Variants in TYW1 observed in about 807,000 individuals in gnomAD.
TYW1 encodes the protein tRNA-yW synthesizing protein 1 homolog, also known as S-adenosyl-L-methionine-dependent tRNA 4-demethylwyosine synthase TYW1.
TYW1 carries 46 observed loss-of-function variants against 96.2 expected under a neutral mutation model. The observed-to-expected ratio is 0.48, with a 90% CI of 0.38 to 0.61. The LOEUF is 0.61. Among genes scored for constraint, TYW1 ranks in the 20% least tolerant of loss-of-function variants. The pLI is 0.00. For missense variants in TYW1, 684 were observed against 909.6 expected (o/e 0.75, Z 3.19); for synonymous variants, 274 against 323.0 (o/e 0.85, Z 1.63).
Position 67,011,766 on chromosome 7 carries a change from G to A in TYW1, c.375+2082G>A, listed in dbSNP as rs150530844. Among the ~76,000 whole-genome samples the A allele has an allele frequency of 6.7e-3, 1,019 of 152,018 alleles. 10 individuals carry two copies. The highest frequency in any genetic ancestry group is 0.023 in the African/African-American group (953 of 41,468). On this transcript the variant is annotated intron_variant, in intron 4 of 15. Transcript: ENST00000359626. ...GGGCGCCTGTTAATCCCAACTACTC[G>A]GGAGGCTGAGGCAGGAGAATTGCTT... is the stretch of plus-strand genomic sequence containing the variant.
intron 7 of TYW1, among the ~76,000 whole-genome samples, chr7:67,046,476 G>A (rs1192993121): frequency 6.6e-6 from 1 of 152,126 alleles, no homozygotes; most frequent in Non-Finnish European, 1.5e-5. Flanking sequence ...CTTTAAATGG[G>A]ATGGTACAGG....
At chr7:67,000,005 C>A (rs933170051) in intron 3 of TYW1, among the ~76,000 whole-genome samples, 1 of 151,446 alleles carries the variant, frequency 6.6e-6, no homozygotes. Flanking sequence ...GTGCCATCTT[C>A]GCTCACTGCA....
chr7:67,047,573 G>C (rs1488067181), intron 7 of TYW1, among the ~76,000 whole-genome samples: 1 of 151,174 alleles, frequency 6.6e-6, no homozygotes, highest in East Asian at 1.9e-4. Flanking sequence ...ATGTTCATTT[G>C]CCTTGCATTT....
At chr7:67,210,252 T>C (rs956279500) in intron 15 of TYW1, among the ~76,000 whole-genome samples, 2 of 152,208 alleles carry the variant, frequency 1.3e-5, no homozygotes, top group African/African-American at 4.8e-5. Context: ...ATTTGTCTGA[T>C]GTTTTTCTCA....
At chr7:67,054,988 T>G (rs1795463525) in intron 8 of TYW1, among the ~76,000 whole-genome samples, 1 of 152,220 alleles carries the variant, frequency 6.6e-6, no homozygotes, top group Non-Finnish European at 1.5e-5. Context: ...TGGGTCAGCA[T>G]TACTTTGTTT....
chr7:67,080,486 A>C (rs941958328), intron 10 of TYW1, among the ~76,000 whole-genome samples: 2 of 151,524 alleles, frequency 1.3e-5, no homozygotes, highest in African/African-American at 4.9e-5. Flanking sequence ...GCTCACTGCA[A>C]CTTCCGCCTC....
Position 67,017,534 on chromosome 7 carries a change from T to C in TYW1, c.571-319T>C, listed in dbSNP as rs578246215. 3.9e-5 allele frequency among the ~76,000 whole-genome samples: 6 copies of C among 152,342 alleles called. No homozygotes were observed. In the South Asian group the frequency reaches 6.2e-4, roughly 16 times the overall value. On this transcript the variant is annotated intron_variant, in intron 5 of 15. Transcript: ENST00000359626. ...CTCATTTATTTTGTTAACTCCTGTT[T>C]TGTTCTTATCATGATATAGAATGGT...
chr7:67,175,211 G>C (rs1253597379), intron 13 of TYW1, among the ~76,000 whole-genome samples: 2 of 130,310 alleles, frequency 1.5e-5, no homozygotes, highest in African/African-American at 5.5e-5. Context: ...TGCTCTTATT[G>C]CCCAGGCTGG....
chr7:67,001,865 T>C (rs1179426350), intron 3 of TYW1, among the ~76,000 whole-genome samples: 1 of 151,716 alleles, frequency 6.6e-6, no homozygotes, highest in Non-Finnish European at 1.5e-5. Flanking sequence ...AAACCCCATT[T>C]CTACTAAAAA....
intron 14 of TYW1, among the ~76,000 whole-genome samples, chr7:67,184,707 T>C (rs998633018): frequency 1.1e-4 from 16 of 145,318 alleles, no homozygotes; most frequent in African/African-American, 4.2e-4. Flanking sequence ...TGTTATGTTA[T>C]GTTATGTTAT....
chr7:67,077,512 G>A (rs200712680), intron 10 of TYW1, among the ~76,000 whole-genome samples: 1 of 152,206 alleles, frequency 6.6e-6, no homozygotes, highest in African/African-American at 2.4e-5. Context: ...TTAAAAATGT[G>A]TCTGTTGGCT....
chr7:67,226,848 C>T lies in TYW1; in HGVS notation c.1978-11460C>T, dbSNP rs146872049. ...ACGACCCCTGGACTTCCTCTACTCC[C>T]ACACAGTTAACATTAATTTTGAGTT... On this transcript the variant is annotated intron_variant, in intron 15 of 15. Coordinates refer to ENST00000359626, the MANE Select transcript of TYW1 (RefSeq NM_018264.4). 4.5e-4 allele frequency among the ~76,000 whole-genome samples: 69 copies of T among 152,200 alleles called. No individual in the cohort carries two copies. The East Asian group carries it at 0.01, about 23-fold the overall frequency.
Position 67,220,201 on chromosome 7 carries a change from A to ATTTTTTTT in TYW1, c.1978-18094_1978-18087dup. Among the ~76,000 whole-genome samples the ATTTTTTTT allele has an allele frequency of 1.4e-3, 131 of 93,180 alleles. 16 individuals carry two copies. The highest frequency in any genetic ancestry group is 8.5e-3 in the Middle Eastern group (1 of 118). The allele number at this position is 93,180 out of a possible 152,430, so 61.1% of individuals were successfully genotyped here. ...ATTTTTTAGTTTCATTCATTTATTG[A>ATTTTTTTT]TTTTTTTTTTTTTTTTTTTTGAGAT... On this transcript the variant is annotated intron_variant, in intron 15 of 15. Transcript: ENST00000359626.
intron 5 of TYW1, among the ~76,000 whole-genome samples, chr7:67,015,364 T>C (rs1458883710): frequency 1.3e-5 from 2 of 152,040 alleles, no homozygotes; most frequent in Non-Finnish European, 2.9e-5. Context: ...ATTATGTTTA[T>C]TTTTTCAGGA....
chr7:67,073,320 C>T (rs1388085524), intron 10 of TYW1, among the ~76,000 whole-genome samples: 5 of 152,152 alleles, frequency 3.3e-5, no homozygotes, highest in South Asian at 2.1e-4. Context: ...AGGCTGGGGA[C>T]GTTGCTAAGC....
chr7:67,096,526 A>G (rs1796921555), intron 11 of TYW1, among the ~76,000 whole-genome samples: 1 of 152,216 alleles, frequency 6.6e-6, no homozygotes, highest in African/African-American at 2.4e-5. Context: ...AAAGGAACCT[A>G]GAAATCATTG....
intron 7 of TYW1, among the ~76,000 whole-genome samples, chr7:67,047,936 C>T (rs182216801): frequency 4.0e-5 from 6 of 151,714 alleles, no homozygotes; most frequent in South Asian, 2.1e-4. Flanking sequence ...TATAGGTGCC[C>T]GCCACCATGC....
At chr7:67,015,888 G>A (rs1431738788) in intron 5 of TYW1, among the ~76,000 whole-genome samples, 4 of 149,982 alleles carry the variant, frequency 2.7e-5, no homozygotes, top group African/African-American at 4.9e-5. Context: ...GCGTGTACTC[G>A]GGAGGCAGAG....
chr7:67,210,231 C>T (rs1253395921), intron 15 of TYW1, among the ~76,000 whole-genome samples: 1 of 152,058 alleles, frequency 6.6e-6, no homozygotes, highest in Non-Finnish European at 1.5e-5. Context: ...GTGGAATGCC[C>T]TATTATTGAA....
Sources: allele counts gnomAD v4.1 joint callset (sites outside exome capture counted in the v4.1 genomes callset), GRCh38; gene constraint gnomAD v4.1.1; transcripts MANE v1.5; gene names NCBI Gene and HGNC (gene_info 2026-07-23, HGNC 2026-07-21).